PCDHAC2: variants seen among roughly 807,000 people sequenced by gnomAD.
PCDHAC2 encodes the protein protocadherin alpha subfamily C, 2.
In PCDHAC2, 24 loss-of-function variants were observed where a neutral mutation model predicts 63.3. The ratio of observed to expected loss-of-function variants is 0.38; its 90% CI spans 0.27 to 0.53. The LOEUF (loss-of-function observed/expected upper bound fraction) is 0.53. Ranked by LOEUF, PCDHAC2 falls within the 20% of genes least tolerant of loss-of-function variation. The pLI is 0.81. For synonymous variants in PCDHAC2, 569 were observed against 529.4 expected (o/e 1.07, Z -1.03); for missense variants, 1,181 against 1,275.2 (o/e 0.93, Z 1.12).
chr5:141,005,164 G>T (rs782398186), intron 3 of PCDHAC2, among the ~76,000 whole-genome samples: 1 of 152,178 alleles, frequency 6.6e-6, no homozygotes, highest in Non-Finnish European at 1.5e-5. Context: ...TAAAGAGTGG[G>T]TACCACTTTC....
In PCDHAC2 at chr5:140,967,005, A is replaced by G; in HGVS notation, c.239A>G (p.Asn80Ser). 2 of 1,605,512 alleles carry G rather than the reference A, an allele frequency of 1.2e-6. No individual in the cohort carries two copies. The highest frequency in any genetic ancestry group is 1.3e-5 in the African/African-American group (1 of 74,964). Residue 80 changes from asparagine to serine, a missense_variant, in exon 1 of 4, where the codon AAC (asparagine) becomes AGC (serine). Around this residue, in one of 3 missense-constraint regions of PCDHAC2, gnomAD observed 210 missense variants for 184.9 expected, o/e 1.14. Transcript: ENST00000289269. The part of the protein sequence containing the change: ...RRLGPGCLRI[N>S]HLGAPSPRYL... Reference sequence around the variant, plus strand: ...TTGGGGCCGGGTTGCTTGCGCATCAACCATCTGGGTGCGCCCAGTCCGCGC... The same window carrying G: ...TTGGGGCCGGGTTGCTTGCGCATCAGCCATCTGGGTGCGCCCAGTCCGCGC...
At chr5:140,998,720 A>G (rs1554256437) in intron 3 of PCDHAC2, among the ~76,000 whole-genome samples, 1 of 152,092 alleles carries the variant, frequency 6.6e-6, no homozygotes, top group African/African-American at 2.4e-5. Context: ...TTGCACCACC[A>G]CGCTAGGCTA....
At chr5:140,997,897 A>C (rs13175095) in intron 3 of PCDHAC2, among the ~76,000 whole-genome samples, 9,880 of 152,266 alleles carry the variant, frequency 0.065, 363 homozygotes, top group East Asian at 0.12. Flanking sequence ...GATAAATTTC[A>C]AGAAGTAGAA....
rs2098422801 is a variant in PCDHAC2, at chr5:141,012,055, C to T, written c.*2118C>T. On this transcript the variant is annotated 3_prime_UTR_variant, in exon 4 of 4. Coordinates refer to ENST00000289269, the MANE Select transcript of PCDHAC2 (RefSeq NM_018899.6). ...GGATTGCATGGGGTAAAACTTGTTA[C>T]CAACACATGTGAACCATTGCTACAT... The T allele has an allele frequency of 6.5e-6, 1 of 153,666 alleles. No individual in the cohort carries two copies. Among genetic ancestry groups the T allele is most frequent in the African/African-American group, 2.4e-5 (1 of 41,404 alleles). 9.5% of individuals were successfully genotyped at this position (153,666 alleles called of 1,614,324 possible).
intron 3 of PCDHAC2, among the ~76,000 whole-genome samples, chr5:141,005,512 G>C (rs1015892170): frequency 6.6e-6 from 1 of 151,536 alleles, no homozygotes; most frequent in Non-Finnish European, 1.5e-5. Flanking sequence ...GACCATCCTG[G>C]CTAACACGGT....
At chr5:141,005,529 C>A (rs1387576846) in intron 3 of PCDHAC2, among the ~76,000 whole-genome samples, 2 of 151,154 alleles carry the variant, frequency 1.3e-5, no homozygotes, top group Non-Finnish European at 2.9e-5. Context: ...CGGTGAAACC[C>A]CGTCTCTACT....
At chr5:141,005,113 G>A (rs2098197843) in intron 3 of PCDHAC2, among the ~76,000 whole-genome samples, 1 of 152,184 alleles carries the variant, frequency 6.6e-6, no homozygotes, top group South Asian at 2.1e-4. Flanking sequence ...ATTGTCTTTA[G>A]GGACCCCAAA....
Position 141,000,581 on chromosome 5 carries a change from C to G in PCDHAC2, c.2714-9046C>G, listed in dbSNP as rs960660351. On this transcript the variant is annotated intron_variant, in intron 3 of 3. Transcript: ENST00000289269. ...TAGCTGGGATTACAGGTGCCTGCCA[C>G]CATGCCCAGCTAATTTTTGTATTTT... is the stretch of plus-strand genomic sequence containing the variant. 2.0e-5 allele frequency among the ~76,000 whole-genome samples: 3 copies of G among 150,722 alleles called. No individual in the cohort carries two copies. In the East Asian group the frequency reaches 5.8e-4, roughly 29 times the overall value.
chr5:140,979,144 T>C, intron 2 of PCDHAC2, 137 bp downstream of exon 2: 1 of 1,448,584 alleles, frequency 6.9e-7, no homozygotes. Flanking sequence ...GCAATTATTT[T>C]GTCCCCATGT....
chr5:140,969,404 G>A (rs1345885868), intron 1 of PCDHAC2, 73 bp downstream of exon 1: 2 of 1,577,250 alleles, frequency 1.3e-6, no homozygotes, highest in Admixed American at 1.9e-5. Context: ...CTGTGATTTG[G>A]CTTTATTGAG....
chr5:140,968,670 T>C lies in PCDHAC2; in HGVS notation c.1904T>C (p.Val635Ala), dbSNP rs782754896. 23 of 1,614,180 alleles carry C rather than the reference T, an allele frequency of 1.4e-5. No homozygotes were observed. Among genetic ancestry groups the C allele is most frequent in the Non-Finnish European group, 1.8e-5 (21 of 1,180,034 alleles). The change falls in exon 1 of 4, where the codon GTA becomes GCA. Residue 635 changes from valine to alanine, a missense_variant. By Grantham distance (64) the Val-to-Ala change is moderately conservative. Coordinates refer to ENST00000289269, the MANE Select transcript of PCDHAC2 (RefSeq NM_018899.6). ...AQTSDLDLFK[V>A]ELHTGEIRTT... ...ACTTCTGACCTGGACCTCTTTAAGG[T>C]AGAGCTGCACACAGGAGAAATTAGG...
intron 1 of PCDHAC2, chr5:140,969,615 G>A (rs1417453925): frequency 3.6e-5 from 26 of 714,726 alleles, no homozygotes; most frequent in Non-Finnish European, 5.5e-5. Flanking sequence ...ACACAGATTT[G>A]TAGAGAAACA....
At position 140,966,932 on chromosome 5, in the gene PCDHAC2, G is replaced by T; in HGVS notation, c.166G>T (p.Ala56Ser). Residue 56 changes from alanine to serine, a missense_variant, in exon 1 of 4, where the codon GCG becomes TCG. By Grantham distance (99) the Ala-to-Ser change is moderately conservative. Around this residue, in one of 3 missense-constraint regions of PCDHAC2, gnomAD observed 210 missense variants for 184.9 expected, o/e 1.14. Transcript: ENST00000289269. ...TGTGCCAGAGGAGCAGGCACCCGGC[G>T]CGCTCGTGGGCAACGTGGCTCGCGC... ...YSVPEEQAPG[A>S]LVGNVARALG... 1.2e-6 allele frequency: 2 copies of T among 1,603,726 alleles called. No individual in the cohort carries two copies. The highest frequency in any genetic ancestry group is 1.7e-6 in the Non-Finnish European group (2 of 1,178,458).
chr5:140,995,379 G>T (rs1300023701), intron 3 of PCDHAC2, among the ~76,000 whole-genome samples: 2 of 152,172 alleles, frequency 1.3e-5, no homozygotes, highest in East Asian at 1.9e-4. Context: ...CACGTACTGG[G>T]CAGGATAAAG....
chr5:140,980,313 C>G (rs904282752), intron 2 of PCDHAC2, among the ~76,000 whole-genome samples: 7 of 152,166 alleles, frequency 4.6e-5, no homozygotes, highest in Admixed American at 3.9e-4. Context: ...GCCTTAAAAA[C>G]TACATTTGAA....
chr5:140,988,201 A>C (rs2097286908), intron 3 of PCDHAC2, among the ~76,000 whole-genome samples: 1 of 152,064 alleles, frequency 6.6e-6, no homozygotes, highest in Non-Finnish European at 1.5e-5. Context: ...GCATATCCTT[A>C]TTAGGAAAAA....
intron 3 of PCDHAC2, among the ~76,000 whole-genome samples, chr5:141,004,899 C>A (rs898562164): frequency 4.6e-5 from 7 of 152,096 alleles, no homozygotes. Context: ...TCAGCTCTGC[C>A]AGGGTGTAAG....
chr5:141,011,894 TATC>T lies in PCDHAC2; in HGVS notation c.*1958_*1960del, dbSNP rs1554263691. 6.5e-6 allele frequency: 1 copy of T among 153,306 alleles called. No individual in the cohort carries two copies. The highest frequency in any genetic ancestry group is 2.4e-5 in the African/African-American group (1 of 41,080). 9.5% of individuals were successfully genotyped at this position (153,306 alleles called of 1,614,324 possible). On this transcript the variant is annotated 3_prime_UTR_variant, in exon 4 of 4. Transcript: ENST00000289269. Reference sequence around the variant, plus strand: ...AATTTAGAAGTTTGATTAATTATATTATCTATTTAGGCATTAATATAAAAGAGG... The same window carrying T: ...AATTTAGAAGTTTGATTAATTATATTTATTTAGGCATTAATATAAAAGAGG...
rs560256618 is a variant in PCDHAC2 at position 140,999,889 on chromosome 5, C to T, written c.2714-9738C>T. Among the ~76,000 whole-genome samples the T allele has an allele frequency of 2.0e-5, 3 of 152,292 alleles. No homozygotes were observed. In the East Asian group the frequency reaches 5.8e-4, roughly 29 times the overall value. ...TTACTGAAAATTAGCCCAGCTGTAG[C>T]TTGGGACACCAAACAGCCAAAAAAT... On this transcript the variant is annotated intron_variant, in intron 3 of 3. Coordinates refer to ENST00000289269, the MANE Select transcript of PCDHAC2 (RefSeq NM_018899.6).
Sources: gnomAD v4.1 joint callset for allele counts (sites outside exome capture counted in the v4.1 genomes callset) on GRCh38, gnomAD v4.1.1 for gene constraint, gnomAD v4.1.1 regional missense constraint, MANE v1.5 for transcripts, NCBI Gene and HGNC (gene_info 2026-07-23, HGNC 2026-07-21) for gene names.